RORB: variants seen among roughly 807,000 people sequenced by gnomAD.
RORB encodes the protein RAR related orphan receptor B.
Under a neutral mutation model 59.1 loss-of-function variants are expected in RORB, and 6 were observed. That is an observed-to-expected ratio of 0.10 (90% confidence interval 0.06 to 0.20). RORB has a LOEUF of 0.20. RORB is among the 10% of genes least tolerant of loss of function. The pLI is 1.00. For synonymous variants in RORB, 215 were observed against 204.5 expected, an observed-to-expected ratio of 1.05 and a Z score of -0.44; for missense variants, 320 against 560.5, an observed-to-expected ratio of 0.57 and a Z score of 4.33.
chr9:74,504,429 A>G (rs1256899716), intron 1 of RORB, among the ~76,000 whole-genome samples: 1 of 152,064 alleles, frequency 6.6e-6, no homozygotes, highest in African/African-American at 2.4e-5. Flanking sequence ...ACAAAAGCCA[A>G]AACGAACATC....
intron 1 of RORB, among the ~76,000 whole-genome samples, chr9:74,589,340 T>A (rs1399504215): frequency 6.6e-6 from 1 of 152,166 alleles, no homozygotes; most frequent in Non-Finnish European, 1.5e-5. Flanking sequence ...TCCCGAAATA[T>A]GACTACACAG....
chr9:74,501,048 T>G (rs1383030213), intron 1 of RORB, among the ~76,000 whole-genome samples: 1 of 152,090 alleles, frequency 6.6e-6, no homozygotes, highest in Non-Finnish European at 1.5e-5. Flanking sequence ...AGGTGTGGGT[T>G]TCAGGGTTCC....
chr9:74,530,440 C>G (rs533120287), intron 1 of RORB, among the ~76,000 whole-genome samples: 46 of 152,042 alleles, frequency 3.0e-4, no homozygotes, highest in African/African-American at 1.1e-3. Context: ...GCCATATGGC[C>G]ACCGGGAGAG....
intron 1 of RORB, among the ~76,000 whole-genome samples, chr9:74,513,410 T>G (rs181282703): frequency 9.5e-4 from 145 of 152,134 alleles, no homozygotes; most frequent in African/African-American, 2.9e-3. Flanking sequence ...TGCCATTACG[T>G]CAGCAAAAAC....
Position 74,692,713 on chromosome 9 carries a change from T to C in RORB, c.*7095T>C, listed in dbSNP as rs1420177939. The C allele has an allele frequency of 6.6e-6, 1 of 152,238 alleles. No homozygotes were observed. Among genetic ancestry groups the C allele is most frequent in the Admixed American group, 6.5e-5 (1 of 15,278 alleles). 9.4% of individuals were successfully genotyped at this position (152,238 alleles called of 1,614,324 possible). On this transcript the variant is annotated 3_prime_UTR_variant, in exon 10 of 10. Transcript: ENST00000376896. ...TTTTTTAAAAGAATAATGTCTCTTA[T>C]AGTCACCATTGATTTTTCTGGAGTT...
intron 1 of RORB, among the ~76,000 whole-genome samples, chr9:74,581,672 C>T (rs1327662150): frequency 2.6e-5 from 4 of 152,086 alleles, no homozygotes; most frequent in East Asian, 1.9e-4. Context: ...CTACAAAAGT[C>T]GGGAGATCTG....
intron 1 of RORB, among the ~76,000 whole-genome samples, chr9:74,612,556 T>C (rs1823247311): frequency 6.6e-6 from 1 of 152,198 alleles, no homozygotes; most frequent in Admixed American, 6.5e-5. Flanking sequence ...TGCCCTTTGT[T>C]TCTAGGCGAC....
chr9:74,551,840 C>A (rs1038852108), intron 1 of RORB, among the ~76,000 whole-genome samples: 1 of 152,102 alleles, frequency 6.6e-6, no homozygotes, highest in African/African-American at 2.4e-5. Flanking sequence ...TTATGGAGTA[C>A]TTTTTCACCC....
chr9:74,560,598 G>A (rs1419375464), intron 1 of RORB, among the ~76,000 whole-genome samples: 2 of 151,952 alleles, frequency 1.3e-5, no homozygotes, highest in African/African-American at 4.8e-5. Flanking sequence ...ACCAAAAGTG[G>A]TTGGGTTAAA....
chr9:74,662,603 T>G lies in RORB; in HGVS notation c.889T>G (p.Ser297Ala), dbSNP rs775164484. 1 of 1,613,376 alleles carries G rather than the reference T, an allele frequency of 6.2e-7. No homozygotes were observed. Among genetic ancestry groups the G allele is most frequent in the African/African-American group, 1.3e-5 (1 of 74,894 alleles). The change falls in exon 6 of 10, where the codon TCA (serine) becomes GCA (alanine). Residue 297 changes from serine (S) to alanine (A), a missense_variant. Coordinates refer to ENST00000376896, the MANE Select transcript of RORB (RefSeq NM_006914.4). Reference sequence around the variant, plus strand: ...AAATGATCAAATTCTACTTCTGAAGTCAGGTAAGCAAGAAGATTCATGGGA... The same window carrying G: ...AAATGATCAAATTCTACTTCTGAAGGCAGGTAAGCAAGAAGATTCATGGGA... ...CQNDQILLLKSGCLEVVLVRM... is the reference protein window; with the variant it reads ...CQNDQILLLKAGCLEVVLVRM...
intron 1 of RORB, among the ~76,000 whole-genome samples, chr9:74,545,080 C>G (rs984554233): frequency 6.7e-5 from 10 of 150,186 alleles, no homozygotes; most frequent in African/African-American, 2.4e-4. Flanking sequence ...CTCTTCCCTT[C>G]TATGTTCACT....
At chr9:74,636,832 A>G (rs1476495857) in intron 3 of RORB, among the ~76,000 whole-genome samples, 2 of 152,170 alleles carry the variant, frequency 1.3e-5, no homozygotes, top group Admixed American at 1.3e-4. Context: ...GATTCTCTCT[A>G]AGAGAAAAAG....
rs761659138 is a variant in RORB, at chr9:74,521,384, T to C, written c.7+23401T>C. Among the ~76,000 whole-genome samples, 30 of 151,974 alleles carry C rather than the reference T, an allele frequency of 2.0e-4. 1 individual carries two copies. Among genetic ancestry groups the C allele is most frequent in the Non-Finnish European group, 4.0e-4 (27 of 67,844 alleles). Reference sequence around the variant, plus strand: ...TTCCTTCACCATAATCCAAAAGGATTAGCCCATGACATTTAGCTGGATAAA... The same window carrying C: ...TTCCTTCACCATAATCCAAAAGGATCAGCCCATGACATTTAGCTGGATAAA... On this transcript the variant is annotated intron_variant, in intron 1 of 9. Coordinates refer to ENST00000376896, the MANE Select transcript of RORB (RefSeq NM_006914.4).
chr9:74,618,450 A>G (rs1414616719), intron 1 of RORB, among the ~76,000 whole-genome samples: 3 of 152,142 alleles, frequency 2.0e-5, no homozygotes, highest in African/African-American at 7.2e-5. Context: ...TTATTTTACC[A>G]GGTTTCTTTT....
rs139696320 is a variant in RORB, at chr9:74,650,659, T to C, written c.637+7844T>C. Among the ~76,000 whole-genome samples the C allele has an allele frequency of 7.6e-4, 115 of 152,304 alleles. 1 individual carries two copies. The East Asian group carries it at 0.021, about 28-fold the overall frequency. ...AGGAGAATGAATTTGCTATTTAAAT[T>C]TGAGGCATGTTTATGAGGCCTACTG... On this transcript the variant is annotated intron_variant, in intron 4 of 9. Coordinates refer to ENST00000376896, the MANE Select transcript of RORB (RefSeq NM_006914.4).
rs559871210 is a variant in RORB, at chr9:74,684,345, T to C, written c.1225-1118T>C. ...ATGATGAGCCTAACTGGTGATGAGA[T>C]AGGTTTTGTTTAACTGTATTTTTCA... On this transcript the variant is annotated intron_variant, in intron 9 of 9. Transcript: ENST00000376896. Among the ~76,000 whole-genome samples the C allele has an allele frequency of 2.0e-5, 3 of 152,332 alleles. No homozygotes were observed. In the South Asian group the frequency reaches 6.2e-4, roughly 32 times the overall value.
chr9:74,503,592 A>G (rs888635841), intron 1 of RORB, among the ~76,000 whole-genome samples: 2 of 151,918 alleles, frequency 1.3e-5, no homozygotes, highest in Admixed American at 6.6e-5. Context: ...TCTACACAAA[A>G]CTCCATTATA....
At chr9:74,515,747 C>A (rs1183073366) in intron 1 of RORB, among the ~76,000 whole-genome samples, 2 of 152,012 alleles carry the variant, frequency 1.3e-5, no homozygotes, top group Non-Finnish European at 2.9e-5. Context: ...GTACAACACA[C>A]TATGGCATTC....
chr9:74,668,797 C>A (rs1824306540), intron 8 of RORB, among the ~76,000 whole-genome samples: 1 of 151,972 alleles, frequency 6.6e-6, no homozygotes, highest in Non-Finnish European at 1.5e-5. Flanking sequence ...GTGGCAGAAA[C>A]AGAAGGAAAA....
Sources: gnomAD v4.1 joint callset for allele counts (sites outside exome capture counted in the v4.1 genomes callset) on GRCh38, gnomAD v4.1.1 for gene constraint, MANE v1.5 for transcripts, NCBI Gene and HGNC (gene_info 2026-07-23, HGNC 2026-07-21) for gene names.